Variants in CDC27 observed in about 807,000 individuals in gnomAD.
CDC27 encodes cell division cycle protein 27 homolog.
In CDC27, 27 loss-of-function variants were observed where a neutral mutation model predicts 109.7. The observed-to-expected ratio is 0.25, with a 90% CI of 0.18 to 0.34. CDC27 has a LOEUF of 0.34. Among genes scored for constraint, CDC27 ranks in the 10% least tolerant of loss-of-function variants. CDC27 has a pLI of 1.00. For missense variants in CDC27, 579 were observed against 960.2 expected, an observed-to-expected ratio of 0.60 and a Z score of 5.25; for synonymous variants, 266 against 333.9, an observed-to-expected ratio of 0.80 and a Z score of 2.22.
intron 9 of CDC27, among the ~76,000 whole-genome samples, chr17:47,149,092 A>G (rs537696348): frequency 1.8e-4 from 28 of 151,700 alleles, no homozygotes; most frequent in African/African-American, 3.4e-4. Flanking sequence ...AAAAAAAAAA[A>G]AAAAGAAAAA....
intron 7 of CDC27, 128 bp from the exon 8 acceptor site, chr17:47,154,914 G>A (rs746310606): frequency 5.3e-5 from 27 of 512,702 alleles, no homozygotes; most frequent in Non-Finnish European, 4.5e-5. Flanking sequence ...GAGGATCTGA[G>A]GGGCAGATTA....
chr17:47,178,564 A>T lies in CDC27; in HGVS notation c.103+2998T>A, dbSNP rs2064105323. 2.6e-5 allele frequency among the ~76,000 whole-genome samples: 4 copies of T among 151,508 alleles called. No homozygotes were observed. In the South Asian group the frequency reaches 8.3e-4, roughly 31 times the overall value. ...ATAAATAAAAATAAGAAAAAAAAAA[A>T]AAAACCCTGAAAAGTCACTGTATTA... is the stretch of plus-strand genomic sequence containing the variant. On this transcript the variant is annotated intron_variant, in intron 2 of 18. Transcript: ENST00000066544.
rs1263592343 is a variant in CDC27 at position 47,132,305 on chromosome 17, C to T, written c.1983G>A (p.Ala661=). 7.5e-6 allele frequency: 12 copies of T among 1,602,438 alleles called. No homozygotes were observed. Among genetic ancestry groups the T allele is most frequent in the African/African-American group, 1.3e-5 (1 of 74,660 alleles). ...CTGAACTTTGAGGGTTGATATCAAG[C>T]GCTTTTTGGAAATGCATTTCTGCAA... The part of the protein sequence containing the change: ...FSLAEMHFQK[A]LDINPQSSVL... Residue 661 remains alanine, a synonymous_variant, in exon 15 of 19, where the codon GCG becomes GCA. Coordinates refer to ENST00000066544, the MANE Select transcript of CDC27 (RefSeq NM_001256.6).
intron 4 of CDC27, among the ~76,000 whole-genome samples, chr17:47,168,923 A>G (rs1303612682): frequency 6.6e-6 from 1 of 151,688 alleles, no homozygotes; most frequent in Non-Finnish European, 1.5e-5. Flanking sequence ...GGGAGAAGTG[A>G]CAACAGATAA....
chr17:47,132,218 G>A (rs765293554), intron 15 of CDC27, 39 bp downstream of exon 15: 1 of 867,298 alleles, frequency 1.2e-6, no homozygotes, highest in South Asian at 1.8e-5. Context: ...ATTTCAAAAG[G>A]GAGATTAATA....
chr17:47,155,190 G>A (rs1012439513), intron 7 of CDC27, among the ~76,000 whole-genome samples: 1 of 152,134 alleles, frequency 6.6e-6, no homozygotes, highest in Non-Finnish European at 1.5e-5. Flanking sequence ...TCATGGTCAT[G>A]CTATTTTAGT....
intron 16 of CDC27, among the ~76,000 whole-genome samples, chr17:47,125,376 A>T (rs1039064605): frequency 6.8e-6 from 1 of 147,592 alleles, no homozygotes; most frequent in Non-Finnish European, 1.5e-5. Context: ...CCTCCTGAGC[A>T]GCTGGAATTA....
intron 11 of CDC27, 48 bp from the exon 12 acceptor site, chr17:47,142,073 G>T (rs1222286222): frequency 1.5e-6 from 2 of 1,378,456 alleles, no homozygotes. Flanking sequence ...CAATAAACTA[G>T]TCTGCTTCTC....
Position 47,166,861 on chromosome 17 carries a change from T to C in CDC27, c.377+3056A>G, listed in dbSNP as rs540250509. 5.3e-5 allele frequency among the ~76,000 whole-genome samples: 8 copies of C among 152,326 alleles called. No homozygotes were observed. The South Asian group carries it at 1.7e-3, about 32-fold the overall frequency. ...CTTCAACCCATGAATTATTTATTTATTTAATTTTTTTGAGATGGAGTCTCA... is the reference window on the plus strand; with the variant it reads ...CTTCAACCCATGAATTATTTATTTACTTAATTTTTTTGAGATGGAGTCTCA... On this transcript the variant is annotated intron_variant, in intron 4 of 18. Transcript: ENST00000066544.
At chr17:47,130,028 G>T (rs1353436515) in intron 15 of CDC27, among the ~76,000 whole-genome samples, 1 of 152,102 alleles carries the variant, frequency 6.6e-6, no homozygotes, top group Admixed American at 6.5e-5. Context: ...GTTTCACTCA[G>T]AACAATTATA....
rs565411334 is a variant in CDC27 at position 47,121,864 on chromosome 17, C to T, written c.2392+580G>A. 9.2e-5 allele frequency among the ~76,000 whole-genome samples: 14 copies of T among 151,948 alleles called. No individual in the cohort carries two copies. In the East Asian group the frequency reaches 2.7e-3, roughly 29 times the overall value. On this transcript the variant is annotated intron_variant, in intron 18 of 18. Coordinates refer to ENST00000066544, the MANE Select transcript of CDC27 (RefSeq NM_001256.6). ...AAGCAATTCTCCTGTCTCAGCCTCCCGAGTAGCTAGGATTACAGGCGCCCG... is the reference window on the plus strand; with the variant it reads ...AAGCAATTCTCCTGTCTCAGCCTCCTGAGTAGCTAGGATTACAGGCGCCCG...
In CDC27 at chr17:47,158,220, G is replaced by A. The variant is rs2063378752; in HGVS notation, c.461C>T (p.Ser154Leu). ...CACCCACCTACCTATTTCACATAAT[G>A]ATTCAAAGGGAGACCAGAGGAAAGG... Reference protein sequence around the residue: ...LNPFLWSPFESLCEIGEKPDP... With the variant: ...LNPFLWSPFELLCEIGEKPDP... Residue 154 changes from serine (S) to leucine (L), a missense_variant, in exon 5 of 19, where the codon TCA (serine) becomes TTA (leucine). Transcript: ENST00000066544. The A allele has an allele frequency of 1.3e-6, 2 of 1,522,362 alleles. No individual in the cohort carries two copies. Among genetic ancestry groups the A allele is most frequent in the African/African-American group, 1.4e-5 (1 of 71,224 alleles). 94.3% of individuals were successfully genotyped at this position (1,522,362 alleles called of 1,614,324 possible).
At chr17:47,176,565 A>T (rs868178289) in intron 2 of CDC27, among the ~76,000 whole-genome samples, 4 of 152,212 alleles carry the variant, frequency 2.6e-5, no homozygotes, top group Non-Finnish European at 5.9e-5. Context: ...ATGGCAATAT[A>T]TGAGGAGAAA....
chr17:47,123,751 T>C, intron 17 of CDC27, 135 bp downstream of exon 17: 2 of 532,830 alleles, frequency 3.8e-6, no homozygotes, highest in Non-Finnish European at 6.2e-6. Flanking sequence ...AAATCTGTTA[T>C]TCCCAGAGCA....
chr17:47,165,840 A>C (rs1389744166), intron 4 of CDC27, among the ~76,000 whole-genome samples: 2 of 152,226 alleles, frequency 1.3e-5, no homozygotes, highest in Non-Finnish European at 2.9e-5. Flanking sequence ...ATGGGGTTTA[A>C]GTCAATGCTC....
intron 4 of CDC27, chr17:47,159,585 C>T (rs2148927181): frequency 2.1e-6 from 1 of 470,822 alleles, no homozygotes. Context: ...CGCACGGGGA[C>T]AATCGAGAGT....
At chr17:47,175,490 G>A (rs914427138) in intron 2 of CDC27, among the ~76,000 whole-genome samples, 2 of 152,136 alleles carry the variant, frequency 1.3e-5, no homozygotes, top group Non-Finnish European at 2.9e-5. Context: ...AGAACCTATG[G>A]AACTTTTTAT....
intron 1 of CDC27, among the ~76,000 whole-genome samples, chr17:47,187,622 T>C (rs996174175): frequency 2.6e-5 from 4 of 152,026 alleles, no homozygotes; most frequent in Non-Finnish European, 5.9e-5. Context: ...TTATAAAGTC[T>C]GAAATTATTA....
chr17:47,138,204 TC>T (rs1286865195), intron 13 of CDC27, among the ~76,000 whole-genome samples: 2 of 152,180 alleles, frequency 1.3e-5, no homozygotes. Flanking sequence ...TCTCCATCAC[TC>T]CCAGGAACAT....
Sources: allele counts gnomAD v4.1 joint callset (sites outside exome capture counted in the v4.1 genomes callset), GRCh38; gene constraint gnomAD v4.1.1; transcripts MANE v1.5; gene names NCBI Gene and HGNC (gene_info 2026-07-23, HGNC 2026-07-21).